DOCK8: variants seen among roughly 807,000 people sequenced by gnomAD.
DOCK8 encodes the protein dedicator of cytokinesis 8.
In DOCK8, 141 loss-of-function variants were observed where a neutral mutation model predicts 245.6. The ratio of observed to expected loss-of-function variants is 0.57; its 90% CI spans 0.50 to 0.66. The LOEUF is 0.66. Ranked by LOEUF, DOCK8 falls within the 30% of genes least tolerant of loss-of-function variation. DOCK8 has a pLI of 0.00. For missense variants in DOCK8, 2,965 were observed against 2,603.4 expected (o/e 1.14, Z -3.02); for synonymous variants, 1,168 against 970.2 (o/e 1.20, Z -3.79).
intron 1 of DOCK8, among the ~76,000 whole-genome samples, chr9:256,416 T>C (rs934537216): frequency 7.9e-5 from 12 of 152,232 alleles, no homozygotes; most frequent in Non-Finnish European, 1.5e-4. Flanking sequence ...AATTCGTTTC[T>C]GCTTCAGCTT....
chr9:357,140 G>A (rs910520794), intron 14 of DOCK8, among the ~76,000 whole-genome samples: 11 of 152,156 alleles, frequency 7.2e-5, no homozygotes, highest in Non-Finnish European at 1.5e-5. Flanking sequence ...TTGAGGGTCT[G>A]CTTTATTTAG....
At chr9:415,059 C>G (rs1451235394) in intron 29 of DOCK8, 108 bp downstream of exon 29, 1 of 1,472,282 alleles carries the variant, frequency 6.8e-7, no homozygotes, top group African/African-American at 1.4e-5. Flanking sequence ...TTCATATGAG[C>G]AATTCTTCAC....
At chr9:248,505 C>G (rs1359026004) in intron 1 of DOCK8, among the ~76,000 whole-genome samples, 2 of 150,816 alleles carry the variant, frequency 1.3e-5, no homozygotes, top group Non-Finnish European at 3.0e-5. Context: ...CCTTCCTTGC[C>G]TCCTTCCATC....
intron 5 of DOCK8, among the ~76,000 whole-genome samples, chr9:310,977 G>A (rs1274468317): frequency 1.3e-5 from 2 of 152,060 alleles, no homozygotes; most frequent in Admixed American, 6.6e-5. Context: ...TTAGATAGCA[G>A]CCAAAATGGA....
chr9:389,906 T>G (rs943073118), intron 23 of DOCK8, among the ~76,000 whole-genome samples: 4 of 151,832 alleles, frequency 2.6e-5, no homozygotes, highest in African/African-American at 9.7e-5. Flanking sequence ...ACGCCTTTAG[T>G]CCCAGCTACT....
chr9:427,773 G>A (rs947024214), intron 34 of DOCK8, among the ~76,000 whole-genome samples: 1 of 152,138 alleles, frequency 6.6e-6, no homozygotes, highest in Non-Finnish European at 1.5e-5. Flanking sequence ...AAAAGTATGT[G>A]ATATTTTTGT....
intron 1 of DOCK8, among the ~76,000 whole-genome samples, chr9:266,569 C>G (rs575765518): frequency 1.3e-4 from 20 of 152,244 alleles, no homozygotes; most frequent in African/African-American, 4.6e-4. Flanking sequence ...TAGCTGATGA[C>G]TTAATGCAAA....
At chr9:279,235 G>A (rs1460427856) in intron 2 of DOCK8, among the ~76,000 whole-genome samples, 3 of 152,188 alleles carry the variant, frequency 2.0e-5, no homozygotes, top group African/African-American at 7.2e-5. Flanking sequence ...AGATTGCCAG[G>A]AAAGTTGAGT....
chr9:362,486 C>T (rs911845549), intron 14 of DOCK8, among the ~76,000 whole-genome samples: 5 of 152,196 alleles, frequency 3.3e-5, no homozygotes, highest in African/African-American at 4.8e-5. Context: ...AACTTCAGCT[C>T]CTCATTAAAT....
intron 6 of DOCK8, among the ~76,000 whole-genome samples, chr9:313,637 G>T (rs10969646): frequency 1.3e-5 from 2 of 152,158 alleles, no homozygotes; most frequent in African/African-American, 4.8e-5. Context: ...TTGGTCAAAG[G>T]CCACAAAGTC....
At chr9:426,482 A>T (rs1453292735) in intron 33 of DOCK8, among the ~76,000 whole-genome samples, 1 of 152,166 alleles carries the variant, frequency 6.6e-6, no homozygotes, top group Admixed American at 6.5e-5. Flanking sequence ...TCTCTCTCGC[A>T]TGTTGCAGGG....
intron 4 of DOCK8, among the ~76,000 whole-genome samples, chr9:298,774 C>A (rs2049389787): frequency 6.6e-6 from 1 of 151,884 alleles, no homozygotes; most frequent in Admixed American, 6.6e-5. Flanking sequence ...GCTTCACACA[C>A]AAAAGGTCTT....
chr9:245,431 C>T (rs530596958), intron 1 of DOCK8, among the ~76,000 whole-genome samples: 3 of 152,232 alleles, frequency 2.0e-5, no homozygotes, highest in Admixed American at 1.3e-4. Flanking sequence ...TGGTCTCGAA[C>T]TCCTGACCTC....
At chr9:311,590 T>C (rs1449568067) in intron 5 of DOCK8, among the ~76,000 whole-genome samples, 1 of 152,130 alleles carries the variant, frequency 6.6e-6, no homozygotes, top group African/African-American at 2.4e-5. Context: ...AGCTCTGTTT[T>C]GCTCTGGTGT....
chr9:292,207 C>T (rs113270184), intron 4 of DOCK8, among the ~76,000 whole-genome samples: 23,667 of 150,272 alleles, frequency 0.16, 2,140 homozygotes, highest in Non-Finnish European at 0.2. Flanking sequence ...CCAGTCTCTA[C>T]TAAAAATACA....
intron 46 of DOCK8, chr9:460,291 C>T (rs1287386238): frequency 6.6e-6 from 1 of 152,220 alleles, no homozygotes; most frequent in Non-Finnish European, 1.5e-5. Context: ...CTAGCTGCTG[C>T]TACTTCTGCA....
At chr9:230,917 T>C (rs1329638107) in intron 1 of DOCK8, among the ~76,000 whole-genome samples, 9 of 152,052 alleles carry the variant, frequency 5.9e-5, no homozygotes, top group Admixed American at 1.3e-4. Flanking sequence ...TAGATCCCAT[T>C]TGTCAATTGT....
At chr9:225,116 C>T (rs991166365) in intron 1 of DOCK8, among the ~76,000 whole-genome samples, 21 of 152,232 alleles carry the variant, frequency 1.4e-4, no homozygotes, top group Middle Eastern at 3.4e-3. Flanking sequence ...CTAGGTATTA[C>T]GGGAGATTCA....
chr9:274,333 T>C (rs1036597090), intron 2 of DOCK8, among the ~76,000 whole-genome samples: 3 of 152,218 alleles, frequency 2.0e-5, no homozygotes, highest in Non-Finnish European at 4.4e-5. Context: ...TCCTTTAGAA[T>C]ATATTACTCC....
Sources: allele counts gnomAD v4.1 joint callset (sites outside exome capture counted in the v4.1 genomes callset), GRCh38; gene constraint gnomAD v4.1.1; transcripts MANE v1.5; gene names NCBI Gene and HGNC (gene_info 2026-07-23, HGNC 2026-07-21).